FAM178B: variants seen among roughly 807,000 people sequenced by gnomAD.
FAM178B encodes protein FAM178B.
In FAM178B, 82 loss-of-function variants were observed where a neutral mutation model predicts 91.7. That is an observed-to-expected ratio of 0.89 (90% CI 0.75 to 1.07). The LOEUF (loss-of-function observed/expected upper bound fraction) is 1.07, where lower values mean the gene tolerates loss of function less well. Ranked by LOEUF, FAM178B falls within the 50% of genes least tolerant of loss-of-function variation. FAM178B has a pLI of 0.00. For synonymous variants in FAM178B, 368 were observed against 359.4 expected (o/e 1.02, Z -0.27); for missense variants, 769 against 846.7 (o/e 0.91, Z 1.14).
At chr2:96,896,785 C>T (rs558081081) in intron 13 of FAM178B, among the ~76,000 whole-genome samples, 2 of 152,340 alleles carry the variant, frequency 1.3e-5, no homozygotes, top group South Asian at 2.1e-4. Context: ...TCTGACCAGA[C>T]AGCACCTGCC....
At chr2:96,981,430 A>G (rs1170685125) in intron 1 of FAM178B, among the ~76,000 whole-genome samples, 2 of 152,192 alleles carry the variant, frequency 1.3e-5, no homozygotes, top group Admixed American at 6.5e-5. Flanking sequence ...AAAGTCCTTA[A>G]CTTTAATGTA....
At chr2:96,896,818 C>T (rs544089550) in intron 13 of FAM178B, among the ~76,000 whole-genome samples, 1 of 152,296 alleles carries the variant, frequency 6.6e-6, no homozygotes, top group South Asian at 2.1e-4. Flanking sequence ...CCAGCCGTTG[C>T]TCCACACCCA....
At chr2:96,948,010 TC>T (rs2081859429) in intron 7 of FAM178B, 108 bp from the exon 8 acceptor site, 1 of 650,306 alleles carries the variant, frequency 1.5e-6, no homozygotes, top group African/African-American at 1.8e-5. Context: ...CCCATTTAAT[TC>T]TCATAAGTCT....
intron 12 of FAM178B, among the ~76,000 whole-genome samples, chr2:96,914,823 G>A (rs996662110): frequency 1.3e-5 from 2 of 152,184 alleles, no homozygotes; most frequent in Admixed American, 6.5e-5. Context: ...CCAGGAGGTC[G>A]AAGCTGCAGT....
chr2:96,907,232 T>C (rs940402495), intron 12 of FAM178B, among the ~76,000 whole-genome samples: 1 of 152,158 alleles, frequency 6.6e-6, no homozygotes, highest in African/African-American at 2.4e-5. Context: ...TAGTTCCCAC[T>C]GGGACACAGC....
At chr2:96,883,938 T>C (rs574698709) in intron 14 of FAM178B, among the ~76,000 whole-genome samples, 4 of 152,162 alleles carry the variant, frequency 2.6e-5, no homozygotes, top group Admixed American at 6.5e-5. Flanking sequence ...GGTATCATCA[T>C]TGCCACACAC....
chr2:96,879,695 G>C (rs561704821), intron 14 of FAM178B, among the ~76,000 whole-genome samples: 4 of 152,396 alleles, frequency 2.6e-5, no homozygotes, highest in Admixed American at 2.6e-4. Flanking sequence ...TCCACAGGCT[G>C]ACCAGGTGGC....
At chr2:96,958,833 A>G (rs915171841) in intron 6 of FAM178B, among the ~76,000 whole-genome samples, 12 of 150,288 alleles carry the variant, frequency 8.0e-5, no homozygotes, top group African/African-American at 2.9e-4. Context: ...CTAAAAATAG[A>G]GTCTTATGTT....
intron 8 of FAM178B, among the ~76,000 whole-genome samples, chr2:96,942,354 G>T (rs1226280881): frequency 3.3e-5 from 5 of 152,160 alleles, no homozygotes; most frequent in African/African-American, 4.8e-5. Context: ...TGACGAGCTG[G>T]TCCTAAAATT....
At chr2:96,986,073 A>G (rs1209561895) in intron 1 of FAM178B, among the ~76,000 whole-genome samples, 168 bp downstream of exon 1, 1 of 152,206 alleles carries the variant, frequency 6.6e-6, no homozygotes, top group African/African-American at 2.4e-5. Context: ...CTCACGTCGG[A>G]ACCCGAACCA....
chr2:96,975,778 T>A (rs1333883872), intron 1 of FAM178B, among the ~76,000 whole-genome samples: 1 of 152,238 alleles, frequency 6.6e-6, no homozygotes, highest in Non-Finnish European at 1.5e-5. Flanking sequence ...AAATGTACCA[T>A]AGTTCCCCCT....
intron 14 of FAM178B, among the ~76,000 whole-genome samples, chr2:96,893,085 G>A (rs1430972749): frequency 6.6e-6 from 1 of 152,182 alleles, no homozygotes; most frequent in Non-Finnish European, 1.5e-5. Flanking sequence ...GATTTGCAGA[G>A]TGATGCCCAA....
chr2:96,967,457 CA>C (rs1201842167), intron 5 of FAM178B, 62 bp downstream of exon 5: 1 of 1,044,032 alleles, frequency 9.6e-7, no homozygotes, highest in African/African-American at 1.6e-5. Context: ...TGTCCAAAAC[CA>C]GAGGGGGTTG....
intron 6 of FAM178B, among the ~76,000 whole-genome samples, chr2:96,953,838 G>C (rs545566460): frequency 6.6e-6 from 1 of 152,220 alleles, no homozygotes; most frequent in Non-Finnish European, 1.5e-5. Context: ...CCTCAAGCTT[G>C]GCTGCTGGGC....
intron 8 of FAM178B, among the ~76,000 whole-genome samples, chr2:96,937,884 C>T (rs975919616): frequency 2.0e-5 from 3 of 151,966 alleles, no homozygotes; most frequent in South Asian, 2.1e-4. Context: ...ACAAATTAGC[C>T]GGGCGTGGTG....
At chr2:96,942,098 T>G (rs982712112) in intron 8 of FAM178B, among the ~76,000 whole-genome samples, 2 of 152,200 alleles carry the variant, frequency 1.3e-5, no homozygotes, top group African/African-American at 4.8e-5. Context: ...AGAAAACATC[T>G]CTACTTATAA....
chr2:96,898,724 G>A (rs955522538), intron 13 of FAM178B, among the ~76,000 whole-genome samples: 2 of 152,174 alleles, frequency 1.3e-5, no homozygotes, highest in Non-Finnish European at 2.9e-5. Context: ...GTAAAATATG[G>A]ATGACAGTAA....
intron 6 of FAM178B, among the ~76,000 whole-genome samples, chr2:96,959,877 A>C (rs2082055814): frequency 6.6e-6 from 1 of 152,210 alleles, no homozygotes; most frequent in Non-Finnish European, 1.5e-5. Flanking sequence ...CAGTGTCTGC[A>C]TCACACACAC....
intron 12 of FAM178B, among the ~76,000 whole-genome samples, chr2:96,913,673 C>A (rs569419264): frequency 3.9e-4 from 60 of 152,336 alleles, no homozygotes; most frequent in African/African-American, 1.3e-3. Flanking sequence ...GGTGGCCACA[C>A]AGAACCTGCT....
Sources: allele counts gnomAD v4.1 joint callset (sites outside exome capture counted in the v4.1 genomes callset), GRCh38; gene constraint gnomAD v4.1.1; transcripts MANE v1.5; gene names NCBI Gene and HGNC (gene_info 2026-07-23, HGNC 2026-07-21).